Variants in CACNA1C observed in about 807,000 individuals in gnomAD.
CACNA1C encodes the protein calcium voltage-gated channel subunit alpha1 C.
A neutral mutation model predicts 229.0 loss-of-function variants in CACNA1C; 30 were observed. That is an observed-to-expected ratio of 0.13 (90% CI 0.10 to 0.18). The LOEUF is 0.18. Ranked by LOEUF, CACNA1C falls within the 10% of genes least tolerant of loss-of-function variation. CACNA1C has a pLI of 1.00. For missense variants in CACNA1C, 1,658 were observed against 2,845.0 expected (o/e 0.58, Z 9.49); for synonymous variants, 1,114 against 1,132.5 (o/e 0.98, Z 0.33).
chr12:2,261,833 C>G (rs1220443908), intron 3 of CACNA1C, among the ~76,000 whole-genome samples: 2 of 152,238 alleles, frequency 1.3e-5, no homozygotes, highest in Non-Finnish European at 2.9e-5. Flanking sequence ...CTGAAAGTGT[C>G]TGGATGTATC....
At chr12:2,435,340 T>C (rs1414381787) in intron 3 of CACNA1C, among the ~76,000 whole-genome samples, 1 of 152,170 alleles carries the variant, frequency 6.6e-6, no homozygotes, top group Non-Finnish European at 1.5e-5. Flanking sequence ...ATCTGTGTTG[T>C]AATTTGTCCA....
At chr12:1,982,716 A>C (rs1385424638) in intron 1 of CACNA1C, among the ~76,000 whole-genome samples, 2 of 152,156 alleles carry the variant, frequency 1.3e-5, no homozygotes, top group East Asian at 3.8e-4. Context: ...TTTTATACCT[A>C]TATTCACAAG....
chr12:2,008,610 T>C (rs1459248623), intron 1 of CACNA1C, among the ~76,000 whole-genome samples: 3 of 152,236 alleles, frequency 2.0e-5, no homozygotes, highest in African/African-American at 7.2e-5. Context: ...GCTCATGATT[T>C]ATAAAATAAT....
At chr12:2,365,604 G>A (rs999262366) in intron 3 of CACNA1C, among the ~76,000 whole-genome samples, 1 of 152,146 alleles carries the variant, frequency 6.6e-6, no homozygotes, top group Admixed American at 6.5e-5. Context: ...GAAACTTAAC[G>A]AATTTGTTGA....
At chr12:2,455,189 C>G (rs532635632) in intron 4 of CACNA1C, among the ~76,000 whole-genome samples, 2 of 152,212 alleles carry the variant, frequency 1.3e-5, no homozygotes, top group Non-Finnish European at 2.9e-5. Flanking sequence ...ATCTCCCATT[C>G]AGAAACAAAA....
At chr12:2,427,792 G>A (rs1351002217) in intron 3 of CACNA1C, among the ~76,000 whole-genome samples, 2 of 151,956 alleles carry the variant, frequency 1.3e-5, no homozygotes, top group Non-Finnish European at 2.9e-5. Context: ...ACCTAATTTT[G>A]TATTTTTAGT....
Position 2,688,448 on chromosome 12 carries a change from C to T in CACNA1C, c.5786C>T (p.Ala1929Val), listed in dbSNP as rs754730254. ...VLPLHLVHHQALAVAGLSPLL... is the reference protein window; with the variant it reads ...VLPLHLVHHQVLAVAGLSPLL... Reference sequence around the variant, plus strand: ...CTCACACTCCTTGTGTGTCCGCAGGCATTGGCAGTGGCAGGCCTGAGCCCC... The same window carrying T: ...CTCACACTCCTTGTGTGTCCGCAGGTATTGGCAGTGGCAGGCCTGAGCCCC... The change falls in exon 46 of 47, where the codon GCA becomes GTA. Residue 1929 changes from alanine (A) to valine (V), a missense_variant and splice_region_variant. By Grantham distance (64) the Ala-to-Val change is moderately conservative (BLOSUM62 0). Coordinates refer to ENST00000399655, the MANE Select transcript of CACNA1C (RefSeq NM_000719.7). The T allele has an allele frequency of 6.2e-7, 1 of 1,613,776 alleles. No individual in the cohort carries two copies. Among genetic ancestry groups the T allele is most frequent in the Non-Finnish European group, 8.5e-7 (1 of 1,179,802 alleles).
intron 3 of CACNA1C, among the ~76,000 whole-genome samples, chr12:2,224,103 G>T (rs1050195449): frequency 6.6e-6 from 1 of 152,160 alleles, no homozygotes; most frequent in Non-Finnish European, 1.5e-5. Flanking sequence ...GGTGAGGCTT[G>T]GTTCCCACCC....
At chr12:2,591,946 T>C (rs778214421) in intron 18 of CACNA1C, among the ~76,000 whole-genome samples, 1 of 152,228 alleles carries the variant, frequency 6.6e-6, no homozygotes, top group Non-Finnish European at 1.5e-5. Flanking sequence ...AAGTGTGTTT[T>C]TGTGTCTCTG....
chr12:2,115,620 C>T lies in CACNA1C; in HGVS notation c.371+75C>T, dbSNP rs2083500083. 4 of 1,430,318 alleles carry T rather than the reference C, an allele frequency of 2.8e-6. No homozygotes were observed. The Admixed American group carries it at 6.9e-5, about 25-fold the overall frequency. The allele number at this position is 1,430,318 out of a possible 1,614,324, so 88.6% of individuals were successfully genotyped here. ...GTCCAGCCCTCCGAGGCTCCCTGGGCCACGAGCTGTGTCAGCTGTGCTGGG... is the reference window on the plus strand; with the variant it reads ...GTCCAGCCCTCCGAGGCTCCCTGGGTCACGAGCTGTGTCAGCTGTGCTGGG... On this transcript the variant is annotated intron_variant, in intron 2 of 46. Transcript: ENST00000399655.
At chr12:2,681,842 G>A (rs2097161921) in intron 42 of CACNA1C, 7 of 725,848 alleles carry the variant, frequency 9.6e-6, no homozygotes, top group African/African-American at 1.7e-5. Flanking sequence ...GGCCCAGCAT[G>A]CAAGGTCTAT....
At chr12:2,148,404 A>G (rs1040362355) in intron 3 of CACNA1C, among the ~76,000 whole-genome samples, 2 of 151,338 alleles carry the variant, frequency 1.3e-5, no homozygotes, top group Admixed American at 6.6e-5. Context: ...TCACATTTGT[A>G]TATTTGATCA....
intron 3 of CACNA1C, among the ~76,000 whole-genome samples, chr12:2,149,478 T>C (rs745999720): frequency 6.6e-6 from 1 of 152,188 alleles, no homozygotes; most frequent in Non-Finnish European, 1.5e-5. Flanking sequence ...TTTAGGAAAA[T>C]CCTGGCTGTA....
chr12:2,128,703 G>A (rs1030247826), intron 3 of CACNA1C, among the ~76,000 whole-genome samples: 3 of 152,164 alleles, frequency 2.0e-5, no homozygotes, highest in East Asian at 1.9e-4. Flanking sequence ...GAGCCACTGC[G>A]CCCGGCCAGG....
chr12:2,534,298 A>G, intron 9 of CACNA1C, among the ~76,000 whole-genome samples: 1 of 152,150 alleles, frequency 6.6e-6, no homozygotes, highest in East Asian at 1.9e-4. Context: ...TGGAAAGGGA[A>G]GGTGTAGTTA....
chr12:2,444,311 T>C (rs2099256748), intron 3 of CACNA1C, among the ~76,000 whole-genome samples: 2 of 152,210 alleles, frequency 1.3e-5, no homozygotes, highest in South Asian at 4.1e-4. Flanking sequence ...GTGAGGAGGT[T>C]AATTAGATAA....
chr12:2,095,176 C>T (rs2073303157), intron 1 of CACNA1C, among the ~76,000 whole-genome samples: 2 of 152,240 alleles, frequency 1.3e-5, no homozygotes, highest in Admixed American at 1.3e-4. Flanking sequence ...ACTCAATGTG[C>T]TTGCAGTCCT....
chr12:2,090,814 A>G lies in CACNA1C; in HGVS notation c.50-24410A>G, dbSNP rs114045766. ...ATTTTTAATTTTCTGAGGAATCGCC[A>G]TACAGTTTTCCACGGTGGCTGCTCC... is the stretch of plus-strand genomic sequence containing the variant. On this transcript the variant is annotated intron_variant, in intron 1 of 46. Coordinates refer to ENST00000399655, the MANE Select transcript of CACNA1C (RefSeq NM_000719.7). 5.7e-3 allele frequency among the ~76,000 whole-genome samples: 870 copies of G among 152,306 alleles called. 4 individuals carry two copies. The highest frequency in any genetic ancestry group is 0.02 in the African/African-American group (824 of 41,552).
chr12:2,537,449 G>C (rs2099858456), intron 9 of CACNA1C, among the ~76,000 whole-genome samples: 1 of 152,200 alleles, frequency 6.6e-6, no homozygotes, highest in Non-Finnish European at 1.5e-5. Flanking sequence ...GAGTGATTGA[G>C]AGACTGAGCT....
Sources: gnomAD v4.1 joint callset for allele counts (sites outside exome capture counted in the v4.1 genomes callset) on GRCh38, gnomAD v4.1.1 for gene constraint, MANE v1.5 for transcripts, NCBI Gene and HGNC (gene_info 2026-07-23, HGNC 2026-07-21) for gene names.